The following ETHE1 variants were observed in gnomAD, a reference collection of about 807,000 sequenced individuals.
The protein encoded by ETHE1 is persulfide dioxygenase ETHE1, mitochondrial.
ETHE1 carries 16 observed loss-of-function variants against 25.7 expected under a neutral mutation model. That is an observed-to-expected ratio of 0.62 (90% confidence interval 0.42 to 0.95). The LOEUF is 0.95. Ranked by LOEUF, ETHE1 falls within the 40% of genes least tolerant of loss-of-function variation. The pLI is 0.00. For synonymous variants in ETHE1, 139 were observed against 135.9 expected, an observed-to-expected ratio of 1.02 and a Z score of -0.16; for missense variants, 300 against 333.6, an observed-to-expected ratio of 0.90 and a Z score of 0.79.
intron 3 of ETHE1, among the ~76,000 whole-genome samples, chr19:43,516,626 T>TC (rs1374221274): frequency 4.9e-5 from 7 of 141,690 alleles, no homozygotes; most frequent in Admixed American, 7.1e-5. Context: ...TTTTTTTCTT[T>TC]TTTTTTTTTT....
At chr19:43,518,179 G>C (rs964786465) in intron 3 of ETHE1, among the ~76,000 whole-genome samples, 7 of 151,356 alleles carry the variant, frequency 4.6e-5, no homozygotes, top group Non-Finnish European at 8.8e-5. Context: ...AGACTAAATA[G>C]ACATAATGGC....
intron 3 of ETHE1, among the ~76,000 whole-genome samples, chr19:43,513,876 C>T (rs575141577): frequency 1.1e-4 from 16 of 152,160 alleles, no homozygotes; most frequent in African/African-American, 3.1e-4. Context: ...CATGTGCCAC[C>T]ATGCCTGCCT....
intron 4 of ETHE1, among the ~76,000 whole-genome samples, chr19:43,510,637 GT>G (rs55975705): frequency 0.038 from 5,431 of 143,696 alleles, 139 homozygotes; most frequent in African/African-American, 0.077. Flanking sequence ...CCAGCCCTTT[GT>G]TTTTTTTTTT....
At chr19:43,511,603 G>A (rs1226026720) in intron 3 of ETHE1, 37 bp from the exon 4 acceptor site, 12 of 1,606,070 alleles carry the variant, frequency 7.5e-6, no homozygotes, top group Non-Finnish European at 8.5e-6. Context: ...TAGTCACCAA[G>A]AAGCCTTCTA....
intron 3 of ETHE1, chr19:43,525,600 G>A (rs1972226566): frequency 6.5e-6 from 1 of 153,792 alleles, no homozygotes; most frequent in Non-Finnish European, 1.4e-5. Flanking sequence ...AATAAAGTGA[G>A]GAAGGCAGGA....
Position 43,508,031 on chromosome 19 carries a change from T to A in ETHE1, c.625A>T (p.Arg209Trp), listed in dbSNP as rs1339093491. Residue 209 changes from arginine to tryptophan, a missense_variant, in exon 6 of 7, where the codon AGG (arginine) becomes TGG (tryptophan). Transcript: ENST00000292147. ...AGGGTGAGCCGAGGGTTCAGAGTCC[T>A]CTCCTCCTCCACGGTGGACACTGTG... ...GFTVSTVEEERTLNPRLTLSC... is the reference protein window; with the variant it reads ...GFTVSTVEEEWTLNPRLTLSC... The A allele has an allele frequency of 1.9e-6, 3 of 1,614,070 alleles. No homozygotes were observed. The highest frequency in any genetic ancestry group is 1.7e-4 in the Middle Eastern group (1 of 6,042).
At position 43,515,671 on chromosome 19, in the gene ETHE1, T is replaced by C. The variant is rs559283241; in HGVS notation, c.376-4105A>G. Among the ~76,000 whole-genome samples, 10 of 152,072 alleles carry C rather than the reference T, an allele frequency of 6.6e-5. No homozygotes were observed. In the East Asian group the frequency reaches 1.9e-3, roughly 30 times the overall value. On this transcript the variant is annotated intron_variant, in intron 3 of 6. Transcript: ENST00000292147. ...CTCACTGCAACCTCCCCCTCCTGGG[T>C]TCAAGTGATTCTCCTGCCTCAGCCT...
At chr19:43,524,726 C>A (rs1223177047) in intron 3 of ETHE1, among the ~76,000 whole-genome samples, 2 of 152,028 alleles carry the variant, frequency 1.3e-5, no homozygotes, top group African/African-American at 2.4e-5. Context: ...ATCACCTGAG[C>A]CCAGAAGGTC....
chr19:43,515,901 A>G (rs895634571), intron 3 of ETHE1, among the ~76,000 whole-genome samples: 1 of 151,990 alleles, frequency 6.6e-6, no homozygotes, highest in Non-Finnish European at 1.5e-5. Flanking sequence ...TTCATCTGAT[A>G]ATCAAGAAGG....
chr19:43,527,034 G>A (rs1185030814), intron 1 of ETHE1, 63 bp downstream of exon 1: 3 of 1,541,036 alleles, frequency 1.9e-6, no homozygotes, highest in South Asian at 2.4e-5. Context: ...AAGAGACCCC[G>A]GAGTTCCGTC....
intron 3 of ETHE1, among the ~76,000 whole-genome samples, chr19:43,517,668 C>G (rs1229801579): frequency 6.6e-6 from 1 of 151,354 alleles, no homozygotes; most frequent in Non-Finnish European, 1.5e-5. Flanking sequence ...CCCAGCTACT[C>G]GGGAGGCTGA....
At chr19:43,519,069 G>C (rs1568498009) in intron 3 of ETHE1, among the ~76,000 whole-genome samples, 2 of 140,196 alleles carry the variant, frequency 1.4e-5, no homozygotes, top group Non-Finnish European at 3.0e-5. Flanking sequence ...GAGTGCAGTG[G>C]TGCGATCTCG....
At chr19:43,525,141 A>G (rs1416532174) in intron 3 of ETHE1, among the ~76,000 whole-genome samples, 1 of 149,048 alleles carries the variant, frequency 6.7e-6, no homozygotes, top group Non-Finnish European at 1.5e-5. Context: ...AAAAAAAGAA[A>G]GAAAGAAAGA....
Position 43,524,203 on chromosome 19 carries a change from CAAAT to C in ETHE1, c.375+1994_375+1997del, listed in dbSNP as rs143889889. On this transcript the variant is annotated intron_variant, in intron 3 of 6. Coordinates refer to ENST00000292147, the MANE Select transcript of ETHE1 (RefSeq NM_014297.5). ...GCGCAACAAGAGCAAAACTCCATCT[CAAAT>C]AAATAAATAAATAAATAAAACAAAA... is the stretch of plus-strand genomic sequence containing the variant. Among the ~76,000 whole-genome samples, 950 of 151,874 alleles carry C rather than the reference CAAAT, an allele frequency of 6.3e-3. 6 individuals carry two copies. Among genetic ancestry groups the C allele is most frequent in the African/African-American group, 0.022 (923 of 41,440 alleles).
intron 1 of ETHE1, 123 bp downstream of exon 1, chr19:43,526,974 C>G: frequency 6.5e-7 from 1 of 1,530,842 alleles, no homozygotes; most frequent in Non-Finnish European, 8.7e-7. Context: ...AAACCTCCAC[C>G]CCGCTTTCCG....
chr19:43,525,752 G>A (rs1022762656), intron 3 of ETHE1: 3 of 239,820 alleles, frequency 1.3e-5, no homozygotes, highest in Non-Finnish European at 1.7e-5. Flanking sequence ...CTTAAATGTT[G>A]CACTCCAGGG....
At position 43,526,317 on chromosome 19, in the gene ETHE1, C is replaced by T. The variant is rs1044042151; in HGVS notation, c.259G>A (p.Gly87Ser). Residue 87 changes from glycine (G) to serine (S), a missense_variant, in exon 3 of 7, where the codon GGC (glycine) becomes AGC (serine). By Grantham distance (56) the Gly-to-Ser change is moderately conservative. Transcript: ENST00000292147. ...AGGAGGGAACGGAGCAGCCCCGAGCCTGTAATGTGGTCCGCGTGGCAGTGG... is the reference window on the plus strand; with the variant it reads ...AGGAGGGAACGGAGCAGCCCCGAGCTTGTAATGTGGTCCGCGTGGCAGTGG... ...NTHCHADHIT[G>S]SGLLRSLLPG... 6.2e-6 allele frequency: 10 copies of T among 1,614,166 alleles called. No homozygotes were observed. The highest frequency in any genetic ancestry group is 3.3e-4 in the Middle Eastern group (2 of 6,062).
intron 3 of ETHE1, among the ~76,000 whole-genome samples, chr19:43,516,093 T>C (rs1171513255): frequency 6.6e-6 from 1 of 152,214 alleles, no homozygotes; most frequent in African/African-American, 2.4e-5. Context: ...CTTCACGCTA[T>C]GGTTGACCAC....
intron 3 of ETHE1, among the ~76,000 whole-genome samples, chr19:43,516,453 T>G (rs2072275475): frequency 6.7e-6 from 1 of 148,524 alleles, no homozygotes; most frequent in African/African-American, 2.5e-5. Context: ...GCACTCACCA[T>G]CACACCTGGC....
Sources: allele counts gnomAD v4.1 joint callset (sites outside exome capture counted in the v4.1 genomes callset), GRCh38; gene constraint gnomAD v4.1.1; transcripts MANE v1.5; gene names NCBI Gene and HGNC (gene_info 2026-07-23, HGNC 2026-07-21).